DOCK5: variants seen among roughly 807,000 people sequenced by gnomAD.
The protein encoded by DOCK5 is dedicator of cytokinesis protein 5.
In DOCK5, 142 loss-of-function variants were observed where a neutral mutation model predicts 251.8. The observed-to-expected ratio is 0.56, with a 90% CI of 0.49 to 0.65. The LOEUF is 0.65. Ranked by LOEUF, DOCK5 falls within the 30% of genes least tolerant of loss-of-function variation. DOCK5 has a pLI of 0.00. For synonymous variants in DOCK5, 842 were observed against 835.5 expected (o/e 1.01, Z -0.13); for missense variants, 2,111 against 2,312.3 (o/e 0.91, Z 1.79).
chr8:25,188,968 T>C (rs185755241), intron 1 of DOCK5, among the ~76,000 whole-genome samples: 1 of 152,196 alleles, frequency 6.6e-6, no homozygotes, highest in East Asian at 1.9e-4. Flanking sequence ...CAAGCCATTA[T>C]GTAAAGAATA....
intron 13 of DOCK5, among the ~76,000 whole-genome samples, chr8:25,310,927 C>G (rs1248346487): frequency 1.3e-5 from 2 of 152,192 alleles, no homozygotes; most frequent in Non-Finnish European, 2.9e-5. Flanking sequence ...TCAAATAGCA[C>G]AGGGTGCTCT....
At chr8:25,189,429 T>C (rs1586213150) in intron 1 of DOCK5, among the ~76,000 whole-genome samples, 2 of 152,200 alleles carry the variant, frequency 1.3e-5, no homozygotes, top group East Asian at 1.9e-4. Context: ...GGCAAAATCA[T>C]GGCTCACTGC....
At chr8:25,222,734 C>T (rs535010066) in intron 1 of DOCK5, among the ~76,000 whole-genome samples, 21 of 152,318 alleles carry the variant, frequency 1.4e-4, no homozygotes, top group African/African-American at 2.2e-4. Flanking sequence ...GTGTCCTCAT[C>T]TTCCGCAAGC....
At chr8:25,298,825 A>G in intron 7 of DOCK5, 119 bp from the exon 8 acceptor site, 1 of 1,111,742 alleles carries the variant, frequency 9.0e-7, no homozygotes, top group Non-Finnish European at 1.2e-6. Flanking sequence ...TACAGGAATG[A>G]GCCACTGTGC....
Position 25,217,299 on chromosome 8 carries a change from A to C in DOCK5, c.44-26375A>C, listed in dbSNP as rs148524248. On this transcript the variant is annotated intron_variant, in intron 1 of 51. Coordinates refer to ENST00000276440, the MANE Select transcript of DOCK5 (RefSeq NM_024940.8). Reference sequence around the variant, plus strand: ...TATATGCATATATACACACAATATCATATTAGTGGGAGATTTTTAAAACTA... The same window carrying C: ...TATATGCATATATACACACAATATCCTATTAGTGGGAGATTTTTAAAACTA... 1.1e-4 allele frequency among the ~76,000 whole-genome samples: 17 copies of C among 151,620 alleles called. No individual in the cohort carries two copies. In the East Asian group the frequency reaches 3.3e-3, roughly 29 times the overall value.
At chr8:25,254,859 A>G (rs1350702274) in intron 2 of DOCK5, among the ~76,000 whole-genome samples, 1 of 151,764 alleles carries the variant, frequency 6.6e-6, no homozygotes, top group Non-Finnish European at 1.5e-5. Context: ...AAATCCAACA[A>G]TAAGAAAACA....
intron 14 of DOCK5, among the ~76,000 whole-genome samples, chr8:25,317,891 G>A (rs1805301444): frequency 6.6e-6 from 1 of 151,504 alleles, no homozygotes. Flanking sequence ...GATTACAGGC[G>A]TGAGCCACTG....
At chr8:25,253,955 A>G (rs1187363293) in intron 2 of DOCK5, among the ~76,000 whole-genome samples, 1 of 152,232 alleles carries the variant, frequency 6.6e-6, no homozygotes, top group East Asian at 1.9e-4. Context: ...TTGAAGAACA[A>G]AGTTGGAGGA....
At chr8:25,331,799 TATAG>T (rs1191946197) in intron 18 of DOCK5, among the ~76,000 whole-genome samples, 117 of 48,970 alleles carry the variant, frequency 2.4e-3, no homozygotes, top group Admixed American at 4.4e-3. Context: ...TATATATATA[TATAG>T]AGAGAGAGAG....
rs183149463 is a variant in DOCK5 at position 25,233,009 on chromosome 8, G to A, written c.44-10665G>A. Among the ~76,000 whole-genome samples the A allele has an allele frequency of 2.7e-3, 413 of 152,128 alleles. 2 individuals are homozygous for A. Among genetic ancestry groups the A allele is most frequent in the African/African-American group, 9.5e-3 (394 of 41,500 alleles). ...ACCAGTACTCAGCTAAAGACTTGGG[G>A]AACCTTCTACACATCTCTAGCACTC... On this transcript the variant is annotated intron_variant, in intron 1 of 51. Transcript: ENST00000276440.
intron 34 of DOCK5, among the ~76,000 whole-genome samples, chr8:25,371,251 G>A (rs1800867428): frequency 6.6e-6 from 1 of 152,042 alleles, no homozygotes; most frequent in Non-Finnish European, 1.5e-5. Context: ...GGGGTTTCAC[G>A]ATGTTGGCCA....
rs1801688187 is a variant in DOCK5 at position 25,415,157 on chromosome 8, G to C, written c.*3859G>C. ...GGACATTAAAATTATGAATATGTCA[G>C]TAATAATCCAGCACACATTGAAATA... On this transcript the variant is annotated 3_prime_UTR_variant, in exon 52 of 52. Transcript: ENST00000276440. 6.6e-6 allele frequency: 1 copy of C among 152,062 alleles called. No individual in the cohort carries two copies. The highest frequency in any genetic ancestry group is 1.5e-5 in the Non-Finnish European group (1 of 68,026). 9.4% of individuals were successfully genotyped at this position (152,062 alleles called of 1,614,324 possible).
chr8:25,211,109 A>G lies in DOCK5; in HGVS notation c.43+26158A>G, dbSNP rs923495566. ...ACCTCCTTCTGTCAACAGCACCTGG[A>G]TAGCCTGCTTTGCAGAGTACCATTG... On this transcript the variant is annotated intron_variant, in intron 1 of 51. Coordinates refer to ENST00000276440, the MANE Select transcript of DOCK5 (RefSeq NM_024940.8). Among the ~76,000 whole-genome samples the G allele has an allele frequency of 5.6e-5, 4 of 71,360 alleles. 2 individuals are homozygous for G. The highest frequency in any genetic ancestry group is 1.3e-4 in the African/African-American group (4 of 31,446). 46.8% of individuals were successfully genotyped at this position (71,360 alleles called of 152,430 possible). A position where few individuals can be genotyped will look rare whatever the true frequency, so the allele number is the denominator to read the frequency against.
rs547697405 is a variant in DOCK5 at position 25,363,185 on chromosome 8, C to G, written c.3044+44C>G. The stretch of plus-strand genomic sequence containing the variant: ...GGCCCTGAGGCATTTGTCTGAATAC[C>G]TAAGGCTGCTGTGTGAACTTTGGGA... On this transcript the variant is annotated intron_variant, in intron 29 of 51. Transcript: ENST00000276440. The G allele has an allele frequency of 3.6e-4, 538 of 1,511,082 alleles. 7 individuals carry two copies. The South Asian group carries it at 5.8e-3, about 16-fold the overall frequency. The allele number at this position is 1,511,082 out of a possible 1,614,324, so 93.6% of individuals were successfully genotyped here.
chr8:25,198,846 C>A (rs1586221789), intron 1 of DOCK5, among the ~76,000 whole-genome samples: 1 of 152,310 alleles, frequency 6.6e-6, no homozygotes, highest in Middle Eastern at 3.4e-3. Context: ...ATCAGATCTC[C>A]TTAAGGTTGG....
At chr8:25,393,850 T>C (rs1338320079) in intron 44 of DOCK5, among the ~76,000 whole-genome samples, 4 of 152,228 alleles carry the variant, frequency 2.6e-5, no homozygotes, top group Admixed American at 2.0e-4. Context: ...CACTTTTGTA[T>C]CTGTGGTGCA....
At chr8:25,382,604 GTC>G (rs1801088289) in intron 39 of DOCK5, 68 bp from the exon 40 acceptor site, 1 of 1,274,056 alleles carries the variant, frequency 7.8e-7, no homozygotes, top group African/African-American at 1.5e-5. Context: ...ACAAAACAAA[GTC>G]TGACTTTTTT....
intron 51 of DOCK5, 69 bp from the exon 52 acceptor site, chr8:25,411,125 T>C (rs1373154343): frequency 1.4e-6 from 2 of 1,426,980 alleles, no homozygotes; most frequent in African/African-American, 1.5e-5. Context: ...ATATGAGAAA[T>C]AGGAGGAGAA....
chr8:25,210,056 GTGTGTGTGTGTGTATCTGTCTATT>G (rs1246144133), intron 1 of DOCK5, among the ~76,000 whole-genome samples: 492 of 30,028 alleles, frequency 0.016, 164 homozygotes, highest in Admixed American at 0.043. Flanking sequence ...GTGTGTGTGT[GTGTGTGTGTGTGTATCTGTCTATT>G]TATCTATCTA....
Sources: allele counts gnomAD v4.1 joint callset (sites outside exome capture counted in the v4.1 genomes callset), GRCh38; gene constraint gnomAD v4.1.1; transcripts MANE v1.5; gene names NCBI Gene and HGNC (gene_info 2026-07-23, HGNC 2026-07-21).